Variants in PIK3R4 observed in about 807,000 individuals in gnomAD.
PIK3R4 encodes phosphoinositide 3-kinase regulatory subunit 4.
Under a neutral mutation model 136.5 loss-of-function variants are expected in PIK3R4, and 46 were observed. The observed-to-expected ratio is 0.34, with a 90% confidence interval of 0.27 to 0.43. The LOEUF is 0.43. Ranked by LOEUF, PIK3R4 falls within the 20% of genes least tolerant of loss-of-function variation. The probability of loss-of-function intolerance (pLI) is 1.00; values close to 1 mark genes in which losing one functional copy is unlikely to be tolerated. For synonymous variants in PIK3R4, 557 were observed against 566.7 expected, an observed-to-expected ratio of 0.98 and a Z score of 0.24; for missense variants, 1,331 against 1,649.5, an observed-to-expected ratio of 0.81 and a Z score of 3.35.
At chr3:130,739,804 T>C (rs945911165) in intron 2 of PIK3R4, among the ~76,000 whole-genome samples, 3 of 152,188 alleles carry the variant, frequency 2.0e-5, no homozygotes, top group African/African-American at 7.2e-5. Flanking sequence ...CAAACAACCA[T>C]CATTTGTTTA....
In PIK3R4 at chr3:130,686,291, G is replaced by C; in HGVS notation, c.3395C>G (p.Ala1132Gly). 6.2e-7 allele frequency: 1 copy of C among 1,613,288 alleles called. No homozygotes were observed. Among genetic ancestry groups the C allele is most frequent in the Non-Finnish European group, 8.5e-7 (1 of 1,179,338 alleles). Residue 1132 changes from alanine (A) to glycine (G), a missense_variant, in exon 15 of 20, where the codon GCG becomes GGG. Coordinates refer to ENST00000356763, the MANE Select transcript of PIK3R4 (RefSeq NM_014602.3). ...CTTTAAATCATGCTTTAAAGTCCAC[G>C]CATTGCTTGAAGACCTAAGGTCCCA... Reference protein sequence around the residue: ...VGWDLRSSSNAWTLKHDLKSG... With the variant: ...VGWDLRSSSNGWTLKHDLKSG...
intron 2 of PIK3R4, among the ~76,000 whole-genome samples, chr3:130,739,111 C>G (rs1182191674): frequency 6.6e-6 from 1 of 152,240 alleles, no homozygotes; most frequent in Non-Finnish European, 1.5e-5. Flanking sequence ...GAGTCTCACT[C>G]TTTCACCCAG....
intron 14 of PIK3R4, among the ~76,000 whole-genome samples, chr3:130,686,934 A>G (rs1008129704): frequency 1.3e-5 from 2 of 152,178 alleles, no homozygotes; most frequent in African/African-American, 2.4e-5. Flanking sequence ...TCCTGAAATT[A>G]TGCCTTATTG....
Position 130,679,096 on chromosome 3 carries a change from G to A in PIK3R4, c.*219C>T, listed in dbSNP as rs2066437251. 3.2e-6 allele frequency: 1 copy of A among 312,380 alleles called. No homozygotes were observed. The highest frequency in any genetic ancestry group is 2.2e-5 in the African/African-American group (1 of 46,330). 19.4% of individuals were successfully genotyped at this position (312,380 alleles called of 1,614,324 possible). ...TATAACATATACAATAAAAATCCCA[G>A]ACATTGTTGGCTGGCTGATTCTTGC... On this transcript the variant is annotated 3_prime_UTR_variant, in exon 20 of 20. Transcript: ENST00000356763.
intron 4 of PIK3R4, among the ~76,000 whole-genome samples, chr3:130,732,198 A>G (rs763277275): frequency 6.6e-5 from 10 of 152,226 alleles, no homozygotes; most frequent in Non-Finnish European, 1.3e-4. Flanking sequence ...TGAAGGTAAT[A>G]TAACATCTAA....
chr3:130,736,022 AT>A lies in PIK3R4; in HGVS notation c.734-21del. 6.3e-7 allele frequency: 1 copy of A among 1,582,284 alleles called. No homozygotes were observed. On this transcript the variant is annotated intron_variant, in intron 2 of 19. Coordinates refer to ENST00000356763, the MANE Select transcript of PIK3R4 (RefSeq NM_014602.3). Reference sequence around the variant, plus strand: ...CACAACCTGAAAAATAGCAGGTATAATTCTGTTAGAAAAGAGATAAAAAATA... The same window carrying A: ...CACAACCTGAAAAATAGCAGGTATAATCTGTTAGAAAAGAGATAAAAAATA...
intron 4 of PIK3R4, among the ~76,000 whole-genome samples, chr3:130,732,249 G>A (rs555616009): frequency 2.7e-4 from 41 of 152,306 alleles, no homozygotes; most frequent in African/African-American, 9.9e-4. Context: ...ACAACCTAGA[G>A]CAGATTTTTC....
At chr3:130,689,017 T>C (rs1205568247) in intron 14 of PIK3R4, among the ~76,000 whole-genome samples, 1 of 152,162 alleles carries the variant, frequency 6.6e-6, no homozygotes, top group East Asian at 1.9e-4. Context: ...GATGAAAAAA[T>C]CCAACTGCCA....
intron 10 of PIK3R4, among the ~76,000 whole-genome samples, chr3:130,707,397 C>T (rs1443932373): frequency 1.3e-5 from 2 of 152,136 alleles, no homozygotes; most frequent in African/African-American, 4.8e-5. Context: ...CCAAAGCCAG[C>T]TCAATTTCAA....
chr3:130,744,409 T>A (rs1458257465), intron 2 of PIK3R4, 77 bp downstream of exon 2: 2 of 1,469,232 alleles, frequency 1.4e-6, no homozygotes, highest in African/African-American at 1.4e-5. Flanking sequence ...ATCTGGTGAC[T>A]AAAAAAAGCC....
intron 2 of PIK3R4, among the ~76,000 whole-genome samples, chr3:130,742,483 A>G (rs1359263322): frequency 1.3e-5 from 2 of 152,256 alleles, no homozygotes; most frequent in Non-Finnish European, 2.9e-5. Context: ...ATTTTAATAC[A>G]CTGATCAACA....
chr3:130,721,005 C>G (rs533273267), intron 7 of PIK3R4, among the ~76,000 whole-genome samples: 1 of 152,054 alleles, frequency 6.6e-6, no homozygotes, highest in Non-Finnish European at 1.5e-5. Context: ...CCACTGCACT[C>G]CAGCCTGGGT....
At chr3:130,679,732 G>C (rs943724175) in intron 19 of PIK3R4, among the ~76,000 whole-genome samples, 2 of 152,104 alleles carry the variant, frequency 1.3e-5, no homozygotes, top group Non-Finnish European at 2.9e-5. Flanking sequence ...TCAATATTCT[G>C]TGCATATTAA....
intron 13 of PIK3R4, among the ~76,000 whole-genome samples, chr3:130,702,727 T>C (rs2066581805): frequency 2.0e-5 from 3 of 152,222 alleles, no homozygotes; most frequent in South Asian, 4.1e-4. Flanking sequence ...GATAGGGACA[T>C]ACTTATAAAG....
intron 12 of PIK3R4, 71 bp from the exon 13 acceptor site, chr3:130,703,959 T>C (rs2066593492): frequency 1.0e-6 from 1 of 988,942 alleles, no homozygotes; most frequent in South Asian, 1.6e-5. Context: ...TCCCCTGTTA[T>C]AATAACCAAC....
chr3:130,738,953 T>C (rs1287038789), intron 2 of PIK3R4, among the ~76,000 whole-genome samples: 1 of 152,218 alleles, frequency 6.6e-6, no homozygotes, highest in Non-Finnish European at 1.5e-5. Context: ...AGTGGAAAAA[T>C]CATTTTTGCA....
At chr3:130,698,154 C>T (rs2066556603) in intron 13 of PIK3R4, among the ~76,000 whole-genome samples, 2 of 152,206 alleles carry the variant, frequency 1.3e-5, no homozygotes, top group Admixed American at 6.5e-5. Flanking sequence ...TGTCTTCCAA[C>T]AGTTTATGAT....
At chr3:130,717,523 T>C (rs897591192) in intron 8 of PIK3R4, among the ~76,000 whole-genome samples, 7 of 151,392 alleles carry the variant, frequency 4.6e-5, no homozygotes, top group Non-Finnish European at 1.0e-4. Context: ...TATAAGTTGC[T>C]CTTGGGGTAA....
At chr3:130,734,348 A>G (rs1258713713) in intron 3 of PIK3R4, among the ~76,000 whole-genome samples, 1 of 152,252 alleles carries the variant, frequency 6.6e-6, no homozygotes, top group Non-Finnish European at 1.5e-5. Context: ...ACCATGGCTC[A>G]GTATTCCCCA....
Sources: gnomAD v4.1 joint callset for allele counts (sites outside exome capture counted in the v4.1 genomes callset) on GRCh38, gnomAD v4.1.1 for gene constraint, MANE v1.5 for transcripts, NCBI Gene and HGNC (gene_info 2026-07-23, HGNC 2026-07-21) for gene names.